The following ANKRD44 variants were observed in gnomAD, a reference collection of about 807,000 sequenced individuals.
The protein encoded by ANKRD44 is serine/threonine-protein phosphatase 6 regulatory ankyrin repeat subunit B.
Under a neutral mutation model 116.0 loss-of-function variants are expected in ANKRD44, and 35 were observed. The ratio of observed to expected loss-of-function variants is 0.30; its 90% CI spans 0.23 to 0.40. ANKRD44 has a LOEUF of 0.40. ANKRD44 is among the 10% of genes least tolerant of loss of function. The probability of loss-of-function intolerance (pLI) is 1.00; values close to 1 mark genes in which losing one functional copy is unlikely to be tolerated. For synonymous variants in ANKRD44, 435 were observed against 461.8 expected, an observed-to-expected ratio of 0.94 and a Z score of 0.74; for missense variants, 1,014 against 1,242.6, an observed-to-expected ratio of 0.82 and a Z score of 2.77.
chr2:197,078,696 A>G lies in ANKRD44; in HGVS notation c.1650+7T>C, dbSNP rs2077727172. On this transcript the variant is annotated splice_region_variant and intron_variant, in intron 16 of 27. Coordinates refer to ENST00000282272, the MANE Select transcript of ANKRD44 (RefSeq NM_001195144.2). ...TGTGTTAGAGAAAACAAAACAAAAC[A>G]ACTCACCAATTCCAGACACTGCCTG... 26 of 1,605,654 alleles carry G rather than the reference A, an allele frequency of 1.6e-5. No individual in the cohort carries two copies. The East Asian group carries it at 5.9e-4, about 36-fold the overall frequency.
chr2:197,094,917 C>G (rs995098093), intron 10 of ANKRD44, among the ~76,000 whole-genome samples: 2 of 152,198 alleles, frequency 1.3e-5, no homozygotes, highest in African/African-American at 4.8e-5. Context: ...CCTTCTCGAT[C>G]TGGCTGTTGT....
At chr2:196,980,919 T>G (rs2075797069) in intron 21 of ANKRD44, among the ~76,000 whole-genome samples, 2 of 152,230 alleles carry the variant, frequency 1.3e-5, no homozygotes, top group Non-Finnish European at 1.5e-5. Context: ...AGTTAAATGT[T>G]CTCATTTATT....
intron 17 of ANKRD44, among the ~76,000 whole-genome samples, chr2:197,021,019 T>C (rs2076488535): frequency 6.6e-6 from 1 of 152,116 alleles, no homozygotes. Flanking sequence ...CATTGTTCAG[T>C]TTTCACCTAT....
At chr2:197,097,412 C>T (rs2078186277) in intron 10 of ANKRD44, among the ~76,000 whole-genome samples, 1 of 152,190 alleles carries the variant, frequency 6.6e-6, no homozygotes, top group Non-Finnish European at 1.5e-5. Flanking sequence ...TATCTTTGGG[C>T]ATCTACGATC....
chr2:197,252,427 C>T (rs1201704836), intron 1 of ANKRD44, among the ~76,000 whole-genome samples: 1 of 148,186 alleles, frequency 6.7e-6, no homozygotes, highest in East Asian at 2.1e-4. Context: ...TTTTTTTAGA[C>T]GGAGTCGGAG....
chr2:197,283,846 C>T (rs6715936), intron 1 of ANKRD44, among the ~76,000 whole-genome samples: 31,525 of 151,982 alleles, frequency 0.21, 3,470 homozygotes, highest in Middle Eastern at 0.3. Flanking sequence ...AGTAGTCTAG[C>T]GCAATGTCTG....
At chr2:197,262,164 A>C (rs921034283) in intron 1 of ANKRD44, among the ~76,000 whole-genome samples, 1 of 152,218 alleles carries the variant, frequency 6.6e-6, no homozygotes. Flanking sequence ...CTGGGCAGAG[A>C]GCAATAAACA....
At chr2:197,292,586 CT>C (rs2083604026) in intron 1 of ANKRD44, among the ~76,000 whole-genome samples, 2 of 152,272 alleles carry the variant, frequency 1.3e-5, no homozygotes, top group Admixed American at 1.3e-4. Flanking sequence ...ATCTTTCCAA[CT>C]TTGTGATGAA....
rs10535447 is a variant in ANKRD44 at position 197,039,680 on chromosome 2, CGTGTGTGTGTGTGTGTGTGTGTGT to C, written c.1651-14437_1651-14414del. Among the ~76,000 whole-genome samples the C allele has an allele frequency of 3.5e-3, 492 of 141,556 alleles. 2 individuals are homozygous for C. Among genetic ancestry groups the C allele is most frequent in the Non-Finnish European group, 5.5e-3 (362 of 65,452 alleles). The allele number at this position is 141,556 out of a possible 152,430, so 92.9% of individuals were successfully genotyped here. A position where few individuals can be genotyped will look rare whatever the true frequency, so the allele number is the denominator to read the frequency against. The stretch of plus-strand genomic sequence containing the variant: ...GTGTGGTGGTGATTGTGTGTGTGTG[CGTGTGTGTGTGTGTGTGTGTGTGT>C]GTGTGTGTGTGTGTGTGTGTGAAGG... On this transcript the variant is annotated intron_variant, in intron 16 of 27. Coordinates refer to ENST00000282272, the MANE Select transcript of ANKRD44 (RefSeq NM_001195144.2).
chr2:197,301,841 G>A (rs919433), intron 1 of ANKRD44, among the ~76,000 whole-genome samples: 57,316 of 152,028 alleles, frequency 0.38, 10,957 homozygotes, highest in East Asian at 0.47. Context: ...CTATATCTTA[G>A]CCACATGTAA....
intron 2 of ANKRD44, among the ~76,000 whole-genome samples, chr2:197,149,688 G>A (rs183768643): frequency 5.7e-4 from 87 of 152,290 alleles, no homozygotes; most frequent in Middle Eastern, 3.4e-3. Flanking sequence ...ACATAATAGT[G>A]CATTTCCACT....
chr2:196,999,541 C>T (rs1471484559), intron 23 of ANKRD44, among the ~76,000 whole-genome samples: 3 of 151,620 alleles, frequency 2.0e-5, no homozygotes, highest in Non-Finnish European at 4.4e-5. Flanking sequence ...CTCTCAGATA[C>T]ACTTGGTCAT....
At chr2:197,227,390 G>GT (rs1187298138) in intron 1 of ANKRD44, among the ~76,000 whole-genome samples, 1 of 152,188 alleles carries the variant, frequency 6.6e-6, no homozygotes, top group Non-Finnish European at 1.5e-5. Context: ...TAAGTATTGG[G>GT]TGTCCCATTG....
chr2:197,250,611 A>G (rs1473961225), intron 1 of ANKRD44, among the ~76,000 whole-genome samples: 4 of 152,224 alleles, frequency 2.6e-5, no homozygotes, highest in Non-Finnish European at 4.4e-5. Context: ...TGTTGAGCAC[A>G]TCTAGTACCA....
intron 2 of ANKRD44, among the ~76,000 whole-genome samples, chr2:197,186,612 CTTTTTTTTTTTTTTT>C (rs149107038): frequency 0.14 from 7,207 of 50,922 alleles, 906 homozygotes; most frequent in African/African-American, 0.32. Flanking sequence ...GCTAATTTTT[CTTTTTTTTTTTTTTT>C]TTTTTTTTTT....
At chr2:197,129,148 T>C (rs2079043044) in intron 4 of ANKRD44, among the ~76,000 whole-genome samples, 1 of 151,728 alleles carries the variant, frequency 6.6e-6, no homozygotes, top group Non-Finnish European at 1.5e-5. Context: ...TTCTTTTTTT[T>C]TTTTTTGAGA....
chr2:196,997,421 TTA>T (rs914974593), intron 25 of ANKRD44, among the ~76,000 whole-genome samples: 165 of 147,994 alleles, frequency 1.1e-3, no homozygotes, highest in African/African-American at 3.8e-3. Flanking sequence ...AAAAGATAAA[TTA>T]TATATATATA....
At chr2:197,028,909 G>A in intron 16 of ANKRD44, 1 of 154,708 alleles carries the variant, frequency 6.5e-6, no homozygotes, top group East Asian at 1.9e-4. Context: ...AGTCTCTAGT[G>A]CTAGTGCTGC....
rs2078551361 is a variant in ANKRD44, at chr2:197,110,963, T to A, written c.907-119A>T. 13 of 722,934 alleles carry A rather than the reference T, an allele frequency of 1.8e-5. No individual in the cohort carries two copies. The South Asian group carries it at 2.0e-4, about 11-fold the overall frequency. 44.8% of individuals were successfully genotyped at this position (722,934 alleles called of 1,614,324 possible). A position where few individuals can be genotyped will look rare whatever the true frequency, so the allele number is the denominator to read the frequency against. On this transcript the variant is annotated intron_variant, in intron 8 of 27. Coordinates refer to ENST00000282272, the MANE Select transcript of ANKRD44 (RefSeq NM_001195144.2). ...CTGAAAACATTCATTTATTTATTTATTTTTTAAGTATGATCAACATGAGGC... is the reference window on the plus strand; with the variant it reads ...CTGAAAACATTCATTTATTTATTTAATTTTTAAGTATGATCAACATGAGGC...
Sources: allele counts gnomAD v4.1 joint callset (sites outside exome capture counted in the v4.1 genomes callset), GRCh38; gene constraint gnomAD v4.1.1; transcripts MANE v1.5; gene names NCBI Gene and HGNC (gene_info 2026-07-23, HGNC 2026-07-21).